Variants in TBCE observed in about 807,000 individuals in gnomAD.
The protein encoded by TBCE is tubulin folding cofactor E.
In TBCE, 53 loss-of-function variants were observed where a neutral mutation model predicts 77.0. The ratio of observed to expected loss-of-function variants is 0.69; its 90% CI spans 0.55 to 0.87. The LOEUF (loss-of-function observed/expected upper bound fraction) is 0.87, where lower values mean the gene tolerates loss of function less well. Ranked by LOEUF, TBCE falls within the 40% of genes least tolerant of loss-of-function variation. TBCE has a pLI of 0.00. For synonymous variants in TBCE, 235 were observed against 241.3 expected, an observed-to-expected ratio of 0.97 and a Z score of 0.24; for missense variants, 624 against 622.4, an observed-to-expected ratio of 1.00 and a Z score of -0.03.
intron 2 of TBCE, among the ~76,000 whole-genome samples, chr1:235,390,758 C>CAAAAA (rs35639285): frequency 1.4e-5 from 1 of 71,418 alleles, no homozygotes; most frequent in African/African-American, 4.1e-5. Flanking sequence ...CGAAACGTCT[C>CAAAAA]AAAAAAAAAA....
intron 3 of TBCE, among the ~76,000 whole-genome samples, chr1:235,413,161 G>C (rs1679910839): frequency 6.6e-6 from 1 of 152,140 alleles, no homozygotes; most frequent in African/African-American, 2.4e-5. Flanking sequence ...AATGGTTGTT[G>C]CCTGGGCAAC....
chr1:235,441,516 A>G (rs1223954222), intron 13 of TBCE: 1 of 409,734 alleles, frequency 2.4e-6, no homozygotes, highest in East Asian at 4.9e-5. Context: ...ACAATGATGT[A>G]ATACACATGT....
intron 2 of TBCE, among the ~76,000 whole-genome samples, chr1:235,387,294 G>C (rs2102827876): frequency 6.6e-6 from 1 of 152,288 alleles, no homozygotes; most frequent in South Asian, 2.1e-4. Context: ...CAGATCTCCA[G>C]CTGCATGCTG....
At chr1:235,375,316 A>G (rs1677229514) in intron 1 of TBCE, among the ~76,000 whole-genome samples, 1 of 152,178 alleles carries the variant, frequency 6.6e-6, no homozygotes, top group African/African-American at 2.4e-5. Flanking sequence ...TGTGTATTTT[A>G]AAAAGTCATT....
intron 3 of TBCE, among the ~76,000 whole-genome samples, chr1:235,409,154 T>C (rs1679631374): frequency 6.6e-6 from 1 of 152,098 alleles, no homozygotes; most frequent in African/African-American, 2.4e-5. Flanking sequence ...TAGGACAGAA[T>C]GAATCTTGAT....
intron 2 of TBCE, among the ~76,000 whole-genome samples, chr1:235,383,832 G>T (rs1022819014): frequency 1.3e-5 from 2 of 152,060 alleles, no homozygotes; most frequent in Admixed American, 6.6e-5. Flanking sequence ...TAATTGCCCT[G>T]GCCAGAACTT....
At chr1:235,423,362 G>GGTGGTCTGT (rs1680514658) in intron 5 of TBCE, among the ~76,000 whole-genome samples, 1 of 152,136 alleles carries the variant, frequency 6.6e-6, no homozygotes, top group Admixed American at 6.6e-5. Context: ...TCAGGATGTA[G>GGTGGTCTGT]GTGGTCTGTG....
At chr1:235,439,450 C>G (rs950056276) in intron 13 of TBCE, among the ~76,000 whole-genome samples, 3 of 149,068 alleles carry the variant, frequency 2.0e-5, no homozygotes, top group Non-Finnish European at 4.5e-5. Context: ...GAGCCGAGAT[C>G]ACACCACTGT....
intron 4 of TBCE, chr1:235,419,221 A>G (rs755698217): frequency 6.1e-5 from 35 of 573,924 alleles, no homozygotes; most frequent in Non-Finnish European, 1.0e-4. Context: ...GCAAAAAGAA[A>G]AGTTTACCTC....
At chr1:235,434,393 T>A in intron 8 of TBCE, 113 bp downstream of exon 8, 1 of 950,530 alleles carries the variant, frequency 1.1e-6, no homozygotes, top group Admixed American at 1.9e-5. Context: ...AAACAAGAAT[T>A]AGGAAAAATG....
chr1:235,414,555 T>C lies in TBCE; in HGVS notation c.308T>C (p.Ile103Thr), dbSNP rs1431333031. The change falls in exon 4 of 17, where the codon ATT becomes ACT. Residue 103 changes from isoleucine to threonine, a missense_variant. Transcript: ENST00000642610. Reference protein sequence around the residue: ...DGPEEDRKEQIVTIGNKPVET... With the variant: ...DGPEEDRKEQTVTIGNKPVET... ...CCAGAGGAAGATAGAAAAGAGCAAA[T>C]TGTTACAATTGGAAATAAACCTGTG... 1.9e-6 allele frequency: 3 copies of C among 1,613,804 alleles called. No individual in the cohort carries two copies. The highest frequency in any genetic ancestry group is 2.5e-6 in the Non-Finnish European group (3 of 1,179,998).
chr1:235,386,072 A>T (rs1677978293), intron 2 of TBCE, among the ~76,000 whole-genome samples: 1 of 152,070 alleles, frequency 6.6e-6, no homozygotes, highest in Admixed American at 6.6e-5. Context: ...TCCTTCACTT[A>T]TGAAGCTTAG....
chr1:235,431,784 C>T (rs914879326), intron 7 of TBCE, among the ~76,000 whole-genome samples: 75 of 147,822 alleles, frequency 5.1e-4, no homozygotes, highest in African/African-American at 1.3e-3. Flanking sequence ...GTGATTCTTC[C>T]GCGTCAGCCT....
At chr1:235,395,165 A>G (rs934532821) in intron 2 of TBCE, among the ~76,000 whole-genome samples, 2 of 152,182 alleles carry the variant, frequency 1.3e-5, no homozygotes, top group African/African-American at 2.4e-5. Flanking sequence ...TAAATTTTCA[A>G]CTTATTTGGG....
At chr1:235,433,071 C>T in intron 7 of TBCE, 1 of 1,553,298 alleles carries the variant, frequency 6.4e-7, no homozygotes, top group Non-Finnish European at 8.6e-7. Context: ...CCAAGGACCA[C>T]ACATCCATGC....
chr1:235,421,496 T>TC (rs1361529636), intron 5 of TBCE, among the ~76,000 whole-genome samples: 1 of 151,984 alleles, frequency 6.6e-6, no homozygotes, highest in Non-Finnish European at 1.5e-5. Flanking sequence ...TCATCTGAGG[T>TC]CAGGAGTTTG....
chr1:235,424,349 G>A (rs1680578251), intron 5 of TBCE, among the ~76,000 whole-genome samples: 1 of 138,258 alleles, frequency 7.2e-6, no homozygotes, highest in South Asian at 2.4e-4. Flanking sequence ...TTTTGGAGAT[G>A]GAGTCTTGCT....
At chr1:235,371,866 G>T (rs537448456) in intron 1 of TBCE, among the ~76,000 whole-genome samples, 3 of 152,200 alleles carry the variant, frequency 2.0e-5, no homozygotes, top group South Asian at 2.1e-4. Context: ...AGAGGTGGGG[G>T]TTTCACCATG....
intron 2 of TBCE, among the ~76,000 whole-genome samples, chr1:235,385,800 G>C (rs1429194144): frequency 6.6e-6 from 1 of 152,130 alleles, no homozygotes; most frequent in Non-Finnish European, 1.5e-5. Context: ...TTTAATTGGA[G>C]CATTTAGTCC....
Sources: allele counts gnomAD v4.1 joint callset (sites outside exome capture counted in the v4.1 genomes callset), GRCh38; gene constraint gnomAD v4.1.1; transcripts MANE v1.5; gene names NCBI Gene and HGNC (gene_info 2026-07-23, HGNC 2026-07-21).